SLC1A3: variants seen among roughly 807,000 people sequenced by gnomAD.
SLC1A3 encodes the protein solute carrier family 1 member 3.
A neutral mutation model predicts 48.1 loss-of-function variants in SLC1A3; 21 were observed. The observed-to-expected ratio is 0.44, with a 90% CI of 0.31 to 0.63. The LOEUF is 0.63. SLC1A3 is among the 20% of genes least tolerant of loss of function. The pLI is 0.08. For synonymous variants in SLC1A3, 239 were observed against 251.4 expected (o/e 0.95, Z 0.47); for missense variants, 546 against 689.0 (o/e 0.79, Z 2.32).
chr5:36,639,438 T>C lies in SLC1A3; in HGVS notation c.319+9851T>C, dbSNP rs566599386. On this transcript the variant is annotated intron_variant, in intron 3 of 9. Transcript: ENST00000265113. Reference sequence around the variant, plus strand: ...TGTATTGTTCTGTAATATGCTTTATTTGGATAGTATTCTCCTATGCAGATA... The same window carrying C: ...TGTATTGTTCTGTAATATGCTTTATCTGGATAGTATTCTCCTATGCAGATA... Among the ~76,000 whole-genome samples, 18 of 152,362 alleles carry C rather than the reference T, an allele frequency of 1.2e-4. No homozygotes were observed. In the South Asian group the frequency reaches 3.5e-3, roughly 30 times the overall value.
intron 3 of SLC1A3, chr5:36,636,045 T>TTGTGTGTTTGTGTGTGTGTGTGTGTGTG (rs1740332108): frequency 7.3e-6 from 1 of 137,724 alleles, no homozygotes; most frequent in African/African-American, 2.8e-5. Context: ...AATTAAATGT[T>TTGTGTGTTTGTGTGTGTGTGTGTGTGTG]TGTGTGTGTG....
intron 3 of SLC1A3, among the ~76,000 whole-genome samples, chr5:36,649,512 C>T (rs1348591962): frequency 2.0e-5 from 3 of 152,268 alleles, no homozygotes; most frequent in African/African-American, 2.4e-5. Flanking sequence ...TGACATAAAG[C>T]GTAGGACTGC....
At chr5:36,628,827 C>T (rs1380196364) in intron 2 of SLC1A3, among the ~76,000 whole-genome samples, 1 of 152,168 alleles carries the variant, frequency 6.6e-6, no homozygotes. Flanking sequence ...AAAATCTCTG[C>T]TCATTTTGGA....
intron 3 of SLC1A3, among the ~76,000 whole-genome samples, chr5:36,663,694 T>C (rs915886928): frequency 6.6e-6 from 1 of 152,202 alleles, no homozygotes; most frequent in East Asian, 1.9e-4. Flanking sequence ...TCATGTAATG[T>C]AATCTTATAA....
chr5:36,656,484 T>C (rs1375516402), intron 3 of SLC1A3, among the ~76,000 whole-genome samples: 2 of 152,270 alleles, frequency 1.3e-5, no homozygotes, highest in Non-Finnish European at 2.9e-5. Flanking sequence ...ATAATTTTTC[T>C]GTACTCGTGT....
chr5:36,621,966 G>T (rs1337146172), intron 2 of SLC1A3, among the ~76,000 whole-genome samples: 1 of 152,158 alleles, frequency 6.6e-6, no homozygotes, highest in Non-Finnish European at 1.5e-5. Context: ...TGCTAGTTTG[G>T]TTTTGGTTTT....
intron 3 of SLC1A3, among the ~76,000 whole-genome samples, chr5:36,644,214 GT>G (rs1740748404): frequency 1.3e-5 from 2 of 151,584 alleles, no homozygotes; most frequent in African/African-American, 4.9e-5. Context: ...AATACCTTTT[GT>G]TTGTCTTAGG....
At chr5:36,610,804 G>A (rs1438110584) in intron 2 of SLC1A3, among the ~76,000 whole-genome samples, 1 of 152,166 alleles carries the variant, frequency 6.6e-6, no homozygotes, top group Non-Finnish European at 1.5e-5. Flanking sequence ...CTGAGCTAGG[G>A]TAGATAAGTT....
intron 3 of SLC1A3, among the ~76,000 whole-genome samples, chr5:36,663,238 C>T (rs1037581124): frequency 6.6e-6 from 1 of 152,032 alleles, no homozygotes; most frequent in Non-Finnish European, 1.5e-5. Context: ...TTTTTAGAGA[C>T]GGAGTCTCGC....
At chr5:36,643,117 A>G (rs777532910) in intron 3 of SLC1A3, among the ~76,000 whole-genome samples, 2 of 152,160 alleles carry the variant, frequency 1.3e-5, no homozygotes, top group Non-Finnish European at 2.9e-5. Context: ...GCTATTATAA[A>G]TAAGGCTGCT....
chr5:36,652,392 A>T (rs1579999216), intron 3 of SLC1A3, among the ~76,000 whole-genome samples: 1 of 152,290 alleles, frequency 6.6e-6, no homozygotes, highest in East Asian at 1.9e-4. Flanking sequence ...CTCTGCCTTC[A>T]AAGTTGGTAA....
intron 3 of SLC1A3, among the ~76,000 whole-genome samples, chr5:36,655,402 G>A (rs1206203760): frequency 6.6e-6 from 1 of 152,156 alleles, no homozygotes; most frequent in East Asian, 1.9e-4. Flanking sequence ...TTCAGAGATC[G>A]TGTTGCATGT....
At chr5:36,617,415 CTT>C (rs34710652) in intron 2 of SLC1A3, among the ~76,000 whole-genome samples, 2,893 of 57,698 alleles carry the variant, frequency 0.05, 105 homozygotes, top group African/African-American at 0.16. Flanking sequence ...AGGTTGCGGG[CTT>C]TTTTTTTTTT....
chr5:36,631,849 GGGAA>G (rs1386710305), intron 3 of SLC1A3, among the ~76,000 whole-genome samples: 1 of 152,220 alleles, frequency 6.6e-6, no homozygotes. Context: ...CAGCTATAAT[GGGAA>G]GGGAGGAACT....
At chr5:36,606,140 A>G (rs1488858683), upstream of SLC1A3, among the ~76,000 whole-genome samples, 1 of 152,166 alleles carries the variant, frequency 6.6e-6, no homozygotes, top group Non-Finnish European at 1.5e-5. Flanking sequence ...TTTTCTACAT[A>G]CTTGTCTGCA....
chr5:36,663,477 G>T (rs1467819361), intron 3 of SLC1A3, among the ~76,000 whole-genome samples: 2 of 149,140 alleles, frequency 1.3e-5, no homozygotes, highest in Non-Finnish European at 3.0e-5. Flanking sequence ...CTGACCTCAG[G>T]TGATCCACCT....
At chr5:36,647,810 T>C (rs1357649663) in intron 3 of SLC1A3, among the ~76,000 whole-genome samples, 1 of 152,232 alleles carries the variant, frequency 6.6e-6, no homozygotes, top group Non-Finnish European at 1.5e-5. Flanking sequence ...AAACTGTTTT[T>C]GAGAAAAGGC....
At chr5:36,681,533 A>T (rs983905289) in intron 8 of SLC1A3, among the ~76,000 whole-genome samples, 1 of 152,042 alleles carries the variant, frequency 6.6e-6, no homozygotes, top group African/African-American at 2.4e-5. Flanking sequence ...TTTGTGGAGA[A>T]TTTTTTTTAA....
intron 2 of SLC1A3, among the ~76,000 whole-genome samples, chr5:36,617,649 A>G (rs1739498414): frequency 6.6e-6 from 1 of 152,136 alleles, no homozygotes; most frequent in African/African-American, 2.4e-5. Context: ...GTATACAAAT[A>G]ATAGCATAGT....
Sources: gnomAD v4.1 joint callset for allele counts (sites outside exome capture counted in the v4.1 genomes callset) on GRCh38, gnomAD v4.1.1 for gene constraint, MANE v1.5 for transcripts, NCBI Gene and HGNC (gene_info 2026-07-23, HGNC 2026-07-21) for gene names.